Variants in CEP128 observed in about 807,000 individuals in gnomAD.
CEP128 encodes centrosomal protein 128kDa.
CEP128 carries 132 observed loss-of-function variants against 156.7 expected under a neutral mutation model. The ratio of observed to expected loss-of-function variants is 0.84; its 90% CI spans 0.73 to 0.97. The LOEUF (loss-of-function observed/expected upper bound fraction) is 0.97, where lower values mean the gene tolerates loss of function less well. Among genes scored for constraint, CEP128 ranks in the 50% least tolerant of loss-of-function variants. CEP128 has a pLI of 0.00. For synonymous variants in CEP128, 469 were observed against 448.9 expected (o/e 1.04, Z -0.57); for missense variants, 1,252 against 1,281.9 (o/e 0.98, Z 0.36).
At chr14:80,757,787 G>C (rs530442512) in intron 17 of CEP128, among the ~76,000 whole-genome samples, 3 of 152,122 alleles carry the variant, frequency 2.0e-5, no homozygotes, top group Non-Finnish European at 4.4e-5. Context: ...TTCTTTGTCA[G>C]GAATATCATT....
intron 14 of CEP128, among the ~76,000 whole-genome samples, chr14:80,479,751 C>T (rs998842453): frequency 1.3e-5 from 2 of 152,174 alleles, no homozygotes; most frequent in African/African-American, 4.8e-5. Flanking sequence ...TAACTCATTT[C>T]AGCATTAACC....
chr14:80,506,335 C>T (rs373649224), intron 23 of CEP128, among the ~76,000 whole-genome samples: 1 of 126,862 alleles, frequency 7.9e-6, no homozygotes, highest in South Asian at 2.6e-4. Context: ...ATTTGAAACT[C>T]TTTTTTTTTT....
At chr14:80,769,038 C>T (rs900455057) in intron 16 of CEP128, among the ~76,000 whole-genome samples, 1 of 152,072 alleles carries the variant, frequency 6.6e-6, no homozygotes, top group Middle Eastern at 3.2e-3. Context: ...AAATAACATC[C>T]ATAATTTAAA....
rs143614661 is a variant in CEP128, at chr14:80,912,313, C to T, written c.234+2009G>A. Among the ~76,000 whole-genome samples, 1,049 of 151,808 alleles carry T rather than the reference C, an allele frequency of 6.9e-3. 14 individuals are homozygous for T. The highest frequency in any genetic ancestry group is 0.024 in the African/African-American group (992 of 41,396). On this transcript the variant is annotated intron_variant, in intron 4 of 24. Coordinates refer to ENST00000555265, the MANE Select transcript of CEP128 (RefSeq NM_152446.5). Reference sequence around the variant, plus strand: ...ACAATGGATCCCTCGTTGAAAATTGCTTTCTTAACATTACAATATTTAGTG... The same window carrying T: ...ACAATGGATCCCTCGTTGAAAATTGTTTTCTTAACATTACAATATTTAGTG...
intron 13 of CEP128, among the ~76,000 whole-genome samples, chr14:80,821,718 C>A (rs555215856): frequency 6.6e-6 from 1 of 151,788 alleles, no homozygotes; most frequent in Non-Finnish European, 1.5e-5. Flanking sequence ...CTCTTCCACC[C>A]AGACTGGAGT....
rs141180319 is a variant in CEP128 at position 80,689,088 on chromosome 14, C to T, written c.2806+53987G>A. Among the ~76,000 whole-genome samples, 207 of 152,038 alleles carry T rather than the reference C, an allele frequency of 1.4e-3. 2 individuals are homozygous for T. The highest frequency in any genetic ancestry group is 4.4e-3 in the African/African-American group (184 of 41,480). On this transcript the variant is annotated intron_variant, in intron 19 of 24. Coordinates refer to ENST00000555265, the MANE Select transcript of CEP128 (RefSeq NM_152446.5). ...TAAGAAATGTATCTTTACGGCTAGG[C>T]GCAGTGGCACCCAGCACTTTGAGAG...
chr14:80,619,367 GACACACACACACACACAC>G (rs34190837), intron 19 of CEP128, among the ~76,000 whole-genome samples: 1 of 139,374 alleles, frequency 7.2e-6, no homozygotes, highest in Non-Finnish European at 1.5e-5. Flanking sequence ...AAGACACACA[GACACACACACACACACAC>G]ACACACACAC....
At chr14:80,785,579 A>C (rs1209423592) in intron 14 of CEP128, 34 bp from the exon 15 acceptor site, 5 of 1,489,550 alleles carry the variant, frequency 3.4e-6, no homozygotes, top group Non-Finnish European at 4.5e-6. Flanking sequence ...AAAAGAAAAA[A>C]ATAAAAGTTA....
chr14:80,859,448 G>A (rs1249493185), intron 9 of CEP128, among the ~76,000 whole-genome samples: 1 of 150,674 alleles, frequency 6.6e-6, no homozygotes, highest in Non-Finnish European at 1.5e-5. Flanking sequence ...CCTAATGCTA[G>A]ATGACGAGTT....
chr14:80,878,086 T>C (rs1397500233), intron 8 of CEP128, among the ~76,000 whole-genome samples: 1 of 152,116 alleles, frequency 6.6e-6, no homozygotes, highest in Middle Eastern at 3.2e-3. Flanking sequence ...CACCATGCCA[T>C]TGGTGAGGCA....
intron 9 of CEP128, among the ~76,000 whole-genome samples, chr14:80,862,278 T>C (rs1214033879): frequency 6.6e-6 from 1 of 152,156 alleles, no homozygotes; most frequent in African/African-American, 2.4e-5. Flanking sequence ...TATCAATGAA[T>C]AGGAGTGGTT....
At chr14:80,827,798 T>C (rs925000161) in intron 13 of CEP128, among the ~76,000 whole-genome samples, 4 of 152,222 alleles carry the variant, frequency 2.6e-5, no homozygotes, top group African/African-American at 9.6e-5. Flanking sequence ...AATAATGTTT[T>C]CATATCTGTA....
intron 19 of CEP128, among the ~76,000 whole-genome samples, chr14:80,685,778 C>T (rs1896501463): frequency 6.6e-6 from 1 of 151,950 alleles, no homozygotes; most frequent in Non-Finnish European, 1.5e-5. Flanking sequence ...AACAATAGAA[C>T]AGAATAGAAA....
chr14:80,817,817 G>T (rs2139980815), intron 13 of CEP128, among the ~76,000 whole-genome samples: 1 of 152,010 alleles, frequency 6.6e-6, no homozygotes, highest in South Asian at 2.1e-4. Flanking sequence ...GGAGGCGGAG[G>T]TTGCAGTGAG....
intron 19 of CEP128, among the ~76,000 whole-genome samples, chr14:80,724,266 C>A (rs1232581485): frequency 6.6e-6 from 1 of 152,166 alleles, no homozygotes; most frequent in African/African-American, 2.4e-5. Flanking sequence ...ATAATTCATT[C>A]ATCCATCTGT....
intron 19 of CEP128, among the ~76,000 whole-genome samples, chr14:80,598,975 G>A (rs1442191528): frequency 1.3e-5 from 2 of 152,184 alleles, no homozygotes; most frequent in Non-Finnish European, 2.9e-5. Context: ...ATCAGTGTCA[G>A]TACCCTGGTT....
chr14:80,499,034 T>C (rs1348201276), intron 24 of CEP128, among the ~76,000 whole-genome samples: 3 of 152,202 alleles, frequency 2.0e-5, no homozygotes, highest in African/African-American at 4.8e-5. Context: ...TCACATAAAA[T>C]AAATCTGTAA....
At chr14:80,854,298 A>G (rs1398322096) in intron 9 of CEP128, among the ~76,000 whole-genome samples, 4 of 152,192 alleles carry the variant, frequency 2.6e-5, no homozygotes, top group African/African-American at 9.6e-5. Context: ...CAATGGCAAT[A>G]TAAGATTACA....
At chr14:80,721,113 T>C (rs1164060459) in intron 19 of CEP128, among the ~76,000 whole-genome samples, 2 of 152,192 alleles carry the variant, frequency 1.3e-5, no homozygotes, top group Admixed American at 6.5e-5. Flanking sequence ...TAATTTCCCT[T>C]CTTACATATT....
Sources: allele counts gnomAD v4.1 joint callset (sites outside exome capture counted in the v4.1 genomes callset), GRCh38; gene constraint gnomAD v4.1.1; transcripts MANE v1.5; gene names NCBI Gene and HGNC (gene_info 2026-07-23, HGNC 2026-07-21).